CSMD1: variants seen among roughly 807,000 people sequenced by gnomAD.
CSMD1 encodes CUB and sushi domain-containing protein 1.
A neutral mutation model predicts 417.5 loss-of-function variants in CSMD1; 213 were observed. The ratio of observed to expected loss-of-function variants is 0.51; its 90% confidence interval spans 0.46 to 0.57. The LOEUF (loss-of-function observed/expected upper bound fraction) is 0.57, where lower values mean the gene tolerates loss of function less well. Among genes scored for constraint, CSMD1 ranks in the 20% least tolerant of loss-of-function variants. The pLI is 0.00. For missense variants in CSMD1, 6,923 were observed against 4,529.7 expected (o/e 1.53, Z -15.17); for synonymous variants, 2,862 against 1,736.8 (o/e 1.65, Z -16.11).
rs1253141460 is a variant in CSMD1, at chr8:4,277,431, G to A, written c.415+142522C>T. Among the ~76,000 whole-genome samples the A allele has an allele frequency of 4.6e-5, 7 of 152,170 alleles. No individual in the cohort carries two copies. In the South Asian group the frequency reaches 1.0e-3, roughly 23 times the overall value. ...TTTCCCCATCAACTAATAGCTGTCC[G>A]TCAGCTTTCAGTCAACCTCCTCACC... On this transcript the variant is annotated intron_variant, in intron 3 of 69. Coordinates refer to ENST00000635120, the MANE Select transcript of CSMD1 (RefSeq NM_033225.6).
At chr8:4,302,599 G>A (rs1376976741) in intron 3 of CSMD1, among the ~76,000 whole-genome samples, 1 of 152,076 alleles carries the variant, frequency 6.6e-6, no homozygotes, top group Non-Finnish European at 1.5e-5. Context: ...CACCGTAAGG[G>A]GATTCTCTCC....
At chr8:4,531,306 G>A (rs771886383) in intron 2 of CSMD1, among the ~76,000 whole-genome samples, 44 of 152,300 alleles carry the variant, frequency 2.9e-4, no homozygotes, top group Non-Finnish European at 5.0e-4. Context: ...CCGATGTGCC[G>A]TGGAATGTAT....
intron 9 of CSMD1, among the ~76,000 whole-genome samples, chr8:3,579,084 C>G (rs761736839): frequency 6.6e-6 from 1 of 152,160 alleles, no homozygotes; most frequent in Non-Finnish European, 1.5e-5. Flanking sequence ...TAATGTACAC[C>G]TGATGTTACT....
intron 54 of CSMD1, among the ~76,000 whole-genome samples, chr8:2,979,799 G>GA (rs1221594185): frequency 1.3e-5 from 2 of 152,204 alleles, no homozygotes; most frequent in African/African-American, 2.4e-5. Flanking sequence ...GTTTACAGAA[G>GA]AAAGTCTTGA....
At chr8:4,135,396 G>A (rs1362494752) in intron 3 of CSMD1, among the ~76,000 whole-genome samples, 1 of 125,544 alleles carries the variant, frequency 8.0e-6, no homozygotes, top group African/African-American at 3.3e-5. Context: ...GGGAAGGAAG[G>A]GGAAAGAGGG....
intron 1 of CSMD1, among the ~76,000 whole-genome samples, chr8:4,981,022 T>C (rs1296852431): frequency 6.6e-6 from 1 of 152,186 alleles, no homozygotes; most frequent in Non-Finnish European, 1.5e-5. Context: ...TTAGAGAAGG[T>C]TGACATAGTT....
intron 5 of CSMD1, among the ~76,000 whole-genome samples, chr8:3,776,848 T>C (rs1374571802): frequency 7.8e-6 from 1 of 127,960 alleles, no homozygotes; most frequent in Non-Finnish European, 1.6e-5. Context: ...ATACATAGAA[T>C]GACAGATACA....
chr8:3,738,488 T>A (rs1385471554), intron 6 of CSMD1, among the ~76,000 whole-genome samples: 1 of 152,138 alleles, frequency 6.6e-6, no homozygotes, highest in Non-Finnish European at 1.5e-5. Context: ...ATAATTTAAG[T>A]TAGAGTTTTG....
chr8:4,864,785 A>G (rs1563622625), intron 1 of CSMD1, among the ~76,000 whole-genome samples: 1 of 151,482 alleles, frequency 6.6e-6, no homozygotes, highest in Non-Finnish European at 1.5e-5. Context: ...CGTTAGCTAA[A>G]GCAGATAATT....
chr8:3,567,391 C>A (rs967505290), intron 10 of CSMD1, among the ~76,000 whole-genome samples: 1 of 151,436 alleles, frequency 6.6e-6, no homozygotes, highest in Non-Finnish European at 1.5e-5. Context: ...TATAACAAAC[C>A]TGCATGTGTA....
intron 3 of CSMD1, among the ~76,000 whole-genome samples, chr8:4,069,257 T>C (rs139320039): frequency 1.3e-4 from 20 of 152,308 alleles, no homozygotes; most frequent in African/African-American, 4.6e-4. Flanking sequence ...TTGGTAAAGA[T>C]TACTGTGAAT....
intron 18 of CSMD1, among the ~76,000 whole-genome samples, chr8:3,382,841 C>A (rs1810723262): frequency 6.6e-6 from 1 of 151,722 alleles, no homozygotes; most frequent in Admixed American, 6.6e-5. Flanking sequence ...GTGCATATAG[C>A]AAAATTGATC....
intron 11 of CSMD1, among the ~76,000 whole-genome samples, chr8:3,489,875 G>C (rs1362129265): frequency 1.3e-5 from 2 of 152,154 alleles, no homozygotes; most frequent in Non-Finnish European, 2.9e-5. Context: ...TTGAAGTAGT[G>C]AATGCCAGTC....
chr8:3,880,042 A>G (rs1806108980), intron 5 of CSMD1, among the ~76,000 whole-genome samples: 1 of 145,910 alleles, frequency 6.9e-6, no homozygotes, highest in Non-Finnish European at 1.5e-5. Flanking sequence ...ATCCTCGAAG[A>G]TTATAAAAGA....
intron 1 of CSMD1, among the ~76,000 whole-genome samples, chr8:4,993,599 G>C (rs745868373): frequency 8.5e-5 from 13 of 152,142 alleles, no homozygotes; most frequent in Non-Finnish European, 4.4e-5. Context: ...CCCCTGACCA[G>C]CGTAGAAGGA....
chr8:3,534,977 T>C (rs1340652004), intron 10 of CSMD1, among the ~76,000 whole-genome samples: 1 of 152,204 alleles, frequency 6.6e-6, no homozygotes, highest in Non-Finnish European at 1.5e-5. Context: ...TGACAGCATC[T>C]GGCTTTGTCG....
intron 3 of CSMD1, among the ~76,000 whole-genome samples, chr8:4,395,299 C>T (rs1318217612): frequency 6.6e-6 from 1 of 152,212 alleles, no homozygotes; most frequent in Non-Finnish European, 1.5e-5. Flanking sequence ...TTTGCTAATT[C>T]TTCATAACTT....
At chr8:4,057,773 C>G (rs988491222) in intron 3 of CSMD1, among the ~76,000 whole-genome samples, 10 of 152,082 alleles carry the variant, frequency 6.6e-5, no homozygotes, top group Non-Finnish European at 1.2e-4. Flanking sequence ...TTTCCCAGCA[C>G]CATTTAATAA....
At chr8:3,893,569 C>T (rs1375151323) in intron 5 of CSMD1, among the ~76,000 whole-genome samples, 1 of 151,768 alleles carries the variant, frequency 6.6e-6, no homozygotes, top group Non-Finnish European at 1.5e-5. Flanking sequence ...TGCTCTACTT[C>T]CTCTGCACCT....
Sources: allele counts gnomAD v4.1 joint callset (sites outside exome capture counted in the v4.1 genomes callset), GRCh38; gene constraint gnomAD v4.1.1; transcripts MANE v1.5; gene names NCBI Gene and HGNC (gene_info 2026-07-23, HGNC 2026-07-21).